DLGAP5: variants seen among roughly 807,000 people sequenced by gnomAD.
DLGAP5 encodes the protein disks large-associated protein 5.
Under a neutral mutation model 99.6 loss-of-function variants are expected in DLGAP5, and 90 were observed. That is an observed-to-expected ratio of 0.90 (90% confidence interval 0.76 to 1.08). The LOEUF is 1.08. Among genes scored for constraint, DLGAP5 ranks in the 50% least tolerant of loss-of-function variants. The probability of loss-of-function intolerance (pLI) is 0.00; values close to 1 mark genes in which losing one functional copy is unlikely to be tolerated. For synonymous variants in DLGAP5, 311 were observed against 321.3 expected, an observed-to-expected ratio of 0.97 and a Z score of 0.34; for missense variants, 1,036 against 983.5, an observed-to-expected ratio of 1.05 and a Z score of -0.71.
chr14:55,183,434 A>T, intron 3 of DLGAP5, 126 bp downstream of exon 3: 1 of 734,694 alleles, frequency 1.4e-6, no homozygotes, highest in South Asian at 3.0e-5. Context: ...AGCTACTATT[A>T]TGTCATTCCC....
chr14:55,169,145 C>G (rs1882754384), intron 12 of DLGAP5, among the ~76,000 whole-genome samples: 1 of 136,164 alleles, frequency 7.3e-6, no homozygotes, highest in Non-Finnish European at 1.5e-5. Context: ...CACTGCACTC[C>G]AGCCTGGGTG....
chr14:55,148,647 A>AG, intron 18 of DLGAP5, 174 bp from the exon 19 acceptor site: 1 of 1,391,242 alleles, frequency 7.2e-7, no homozygotes, highest in Non-Finnish European at 9.8e-7. Context: ...TGAACCCAGG[A>AG]CTTCAAGACC....
At chr14:55,184,008 C>G (rs1163639999) in intron 2 of DLGAP5, among the ~76,000 whole-genome samples, 1 of 152,088 alleles carries the variant, frequency 6.6e-6, no homozygotes, top group Non-Finnish European at 1.5e-5. Flanking sequence ...CAAAAATTAG[C>G]TGGGTGTGGT....
intron 11 of DLGAP5, among the ~76,000 whole-genome samples, chr14:55,170,181 C>A (rs975692395): frequency 6.6e-6 from 1 of 151,270 alleles, no homozygotes; most frequent in African/African-American, 2.4e-5. Flanking sequence ...AACTCAACGT[C>A]AAACAACTCA....
intron 14 of DLGAP5, 115 bp downstream of exon 14, chr14:55,158,402 CTTATG>C: frequency 1.3e-6 from 1 of 784,430 alleles, no homozygotes; most frequent in Non-Finnish European, 2.0e-6. Flanking sequence ...CACAGAAAAA[CTTATG>C]TCTCTTCATG....
intron 7 of DLGAP5, among the ~76,000 whole-genome samples, chr14:55,178,056 T>A (rs1883143539): frequency 1.3e-5 from 2 of 151,042 alleles, no homozygotes; most frequent in African/African-American, 4.9e-5. Flanking sequence ...ATCGAGACCA[T>A]CCTGGCTAAC....
At chr14:55,180,976 G>A (rs1883253556) in intron 5 of DLGAP5, among the ~76,000 whole-genome samples, 198 bp from the exon 6 acceptor site, 1 of 152,106 alleles carries the variant, frequency 6.6e-6, no homozygotes, top group African/African-American at 2.4e-5. Flanking sequence ...AATCAGCTGG[G>A]CATGGTGGCA....
chr14:55,155,523 T>G (rs1283177553), intron 14 of DLGAP5, among the ~76,000 whole-genome samples: 1 of 148,452 alleles, frequency 6.7e-6, no homozygotes, highest in Non-Finnish European at 1.5e-5. Flanking sequence ...ATTTTTTGTA[T>G]TTTTAGTAGA....
chr14:55,173,666 A>T (rs1882951179), intron 10 of DLGAP5, among the ~76,000 whole-genome samples: 1 of 152,142 alleles, frequency 6.6e-6, no homozygotes, highest in African/African-American at 2.4e-5. Context: ...GGCTGAAGCC[A>T]TGGCAGAAGA....
intron 5 of DLGAP5, among the ~76,000 whole-genome samples, 168 bp downstream of exon 5, chr14:55,181,045 G>A (rs575034384): frequency 1.3e-5 from 2 of 152,254 alleles, no homozygotes; most frequent in African/African-American, 2.4e-5. Flanking sequence ...AGCCCAGGAG[G>A]TGGAGGCTCC....
At position 55,150,045 on chromosome 14, in the gene DLGAP5, T is replaced by A. The variant is rs1881961649; in HGVS notation, c.2418+754A>T. Among the ~76,000 whole-genome samples, 6 of 141,846 alleles carry A rather than the reference T, an allele frequency of 4.2e-5. No homozygotes were observed. In the South Asian group the frequency reaches 1.1e-3, roughly 26 times the overall value. 93.1% of individuals were successfully genotyped at this position (141,846 alleles called of 152,430 possible). A position where few individuals can be genotyped will look rare whatever the true frequency, so the allele number is the denominator to read the frequency against. ...CCCAGCCTGGGTGCAAGAGTGAAAC[T>A]CTGTCTCAAAAAAAAAAAAAAAAAG... On this transcript the variant is annotated intron_variant, in intron 18 of 18. Coordinates refer to ENST00000247191, the MANE Select transcript of DLGAP5 (RefSeq NM_014750.5).
intron 17 of DLGAP5, 97 bp downstream of exon 17, chr14:55,151,598 G>C: frequency 1.6e-6 from 2 of 1,247,686 alleles, no homozygotes; most frequent in Middle Eastern, 2.8e-4. Context: ...TCAATAGTTA[G>C]ATCTAATGTA....
chr14:55,167,567 G>A (rs577800535), intron 12 of DLGAP5, among the ~76,000 whole-genome samples: 7 of 152,200 alleles, frequency 4.6e-5, no homozygotes, highest in East Asian at 3.9e-4. Flanking sequence ...ACAGGGTCTC[G>A]CCTCTTTCTG....
At chr14:55,175,564 A>T in intron 9 of DLGAP5, 92 bp from the exon 10 acceptor site, 1 of 846,680 alleles carries the variant, frequency 1.2e-6, no homozygotes, top group Non-Finnish European at 1.8e-6. Flanking sequence ...ATCCTTTTCA[A>T]TGTTTAATTT....
chr14:55,168,520 A>G (rs1315608796), intron 12 of DLGAP5, among the ~76,000 whole-genome samples: 1 of 152,092 alleles, frequency 6.6e-6, no homozygotes, highest in East Asian at 1.9e-4. Context: ...TGGTTCTTGA[A>G]ATGCTATTTT....
intron 16 of DLGAP5, 136 bp downstream of exon 16, chr14:55,152,454 A>T: frequency 1.7e-6 from 1 of 595,380 alleles, no homozygotes; most frequent in Non-Finnish European, 2.7e-6. Flanking sequence ...AATGTCATTG[A>T]AACAAGAACT....
Position 55,163,093 on chromosome 14 carries a change from G to C in DLGAP5, c.1549-18C>G. ...TCTTCTATCTGTTAATAAAGCACAA[G>C]TTTACCAGATTAATGCTAGCCATAT... On this transcript the variant is annotated intron_variant, in intron 12 of 18. Coordinates refer to ENST00000247191, the MANE Select transcript of DLGAP5 (RefSeq NM_014750.5). 6.7e-7 allele frequency: 1 copy of C among 1,488,860 alleles called. No homozygotes were observed. The highest frequency in any genetic ancestry group is 9.2e-7 in the Non-Finnish European group (1 of 1,087,734). The allele number at this position is 1,488,860 out of a possible 1,614,324, so 92.2% of individuals were successfully genotyped here. A position where few individuals can be genotyped will look rare whatever the true frequency, so the allele number is the denominator to read the frequency against.
intron 12 of DLGAP5, 72 bp from the exon 13 acceptor site, chr14:55,163,147 T>TAA: frequency 2.4e-6 from 2 of 823,520 alleles, no homozygotes; most frequent in Non-Finnish European, 1.8e-6. Context: ...AGCTGAAGAC[T>TAA]AAAAAAAAAT....
chr14:55,167,118 G>T (rs759454079), intron 12 of DLGAP5, among the ~76,000 whole-genome samples: 2 of 152,022 alleles, frequency 1.3e-5, no homozygotes, highest in Middle Eastern at 3.4e-3. Context: ...GCCTGGCGTG[G>T]TGGTGGGCAT....
Sources: allele counts gnomAD v4.1 joint callset (sites outside exome capture counted in the v4.1 genomes callset), GRCh38; gene constraint gnomAD v4.1.1; transcripts MANE v1.5; gene names NCBI Gene and HGNC (gene_info 2026-07-23, HGNC 2026-07-21).